Variants in IL27RA observed in about 807,000 individuals in gnomAD.
The protein encoded by IL27RA is interleukin 27 receptor subunit alpha, also known as interleukin-27 receptor subunit alpha.
IL27RA carries 61 observed loss-of-function variants against 80.8 expected under a neutral mutation model. The ratio of observed to expected loss-of-function variants is 0.76; its 90% confidence interval spans 0.61 to 0.93. The LOEUF is 0.93. Ranked by LOEUF, IL27RA falls within the 40% of genes least tolerant of loss-of-function variation. The pLI, the probability that IL27RA is intolerant of heterozygous loss-of-function variation, is 0.00. For missense variants in IL27RA, 735 were observed against 808.1 expected (o/e 0.91, Z 1.10); for synonymous variants, 316 against 332.5 (o/e 0.95, Z 0.54).
intron 4 of IL27RA, 26 bp downstream of exon 4, chr19:14,039,936 C>T: frequency 3.7e-6 from 6 of 1,610,326 alleles, no homozygotes; most frequent in Non-Finnish European, 5.1e-6. Flanking sequence ...CTTTTCTCCC[C>T]ACCCTATTCC....
At chr19:14,033,890 G>A (rs2145684868) in intron 2 of IL27RA, among the ~76,000 whole-genome samples, 1 of 152,102 alleles carries the variant, frequency 6.6e-6, no homozygotes, top group East Asian at 1.9e-4. Context: ...CTTGAACCCA[G>A]GAAGTGGAGG....
intron 1 of IL27RA, 44 bp downstream of exon 1, chr19:14,032,016 C>G (rs942405854): frequency 6.6e-7 from 1 of 1,525,616 alleles, no homozygotes; most frequent in South Asian, 1.2e-5. Flanking sequence ...TGCCGCTGCG[C>G]TCCCCGCGAA....
rs765199413 is a variant in IL27RA, at chr19:14,042,632, C to G, written c.694+20C>G. On this transcript the variant is annotated intron_variant, in intron 5 of 13. Coordinates refer to ENST00000263379, the MANE Select transcript of IL27RA (RefSeq NM_004843.4). ...CTTCTGGTGAGGATATCTGGGCTTGCCCTCAATCCACGCCCCTCCCACCCC... is the reference window on the plus strand; with the variant it reads ...CTTCTGGTGAGGATATCTGGGCTTGGCCTCAATCCACGCCCCTCCCACCCC... 14 of 1,613,926 alleles carry G rather than the reference C, an allele frequency of 8.7e-6. No individual in the cohort carries two copies. In the Admixed American group the frequency reaches 1.2e-4, roughly 13 times the overall value.
intron 1 of IL27RA, 47 bp downstream of exon 1, chr19:14,032,019 C>T (rs1420959448): frequency 1.3e-6 from 2 of 1,498,798 alleles, no homozygotes; most frequent in Middle Eastern, 1.7e-4. Context: ...CGCTGCGCTC[C>T]CCGCGAAGGC....
chr19:14,032,764 C>T (rs1286775307), intron 2 of IL27RA, among the ~76,000 whole-genome samples: 2 of 146,458 alleles, frequency 1.4e-5, no homozygotes, highest in Non-Finnish European at 3.0e-5. Flanking sequence ...CCAGATCTCG[C>T]CACTGCACTC....
chr19:14,036,929 G>A (rs561837592), intron 2 of IL27RA, among the ~76,000 whole-genome samples: 1 of 152,074 alleles, frequency 6.6e-6, no homozygotes. Flanking sequence ...TCTGCCTCCA[G>A]GGTTCAAGCG....
chr19:14,040,479 G>A (rs1380458321), intron 4 of IL27RA, among the ~76,000 whole-genome samples: 2 of 152,086 alleles, frequency 1.3e-5, no homozygotes, highest in African/African-American at 4.8e-5. Flanking sequence ...GAGGTCAAGA[G>A]TTTGAGACCA....
At position 14,042,546 on chromosome 19, in the gene IL27RA, A is replaced by C. The variant is rs1196679850; in HGVS notation, c.628A>C (p.Met210Leu). Residue 210 changes from methionine (M) to leucine (L), a missense_variant, in exon 5 of 14, where the codon ATG becomes CTG. Met to Leu is a conservative substitution (Grantham distance 15). Coordinates refer to ENST00000263379, the MANE Select transcript of IL27RA (RefSeq NM_004843.4). Reference protein sequence around the residue: ...TGYKVYGRCRMEKEEDLWGEW... With the variant: ...TGYKVYGRCRLEKEEDLWGEW... ...CTACAAAGTGTATGGCCGCTGCCGG[A>C]TGGAGAAAGAAGAGGATTTGTGGGG... The C allele has an allele frequency of 6.2e-7, 1 of 1,614,020 alleles. No homozygotes were observed. The highest frequency in any genetic ancestry group is 8.5e-7 in the Non-Finnish European group (1 of 1,180,038).
intron 6 of IL27RA, among the ~76,000 whole-genome samples, chr19:14,045,169 C>T (rs943527923): frequency 1.3e-5 from 2 of 150,556 alleles, no homozygotes; most frequent in African/African-American, 4.9e-5. Flanking sequence ...CGTCTATAGT[C>T]CCAGCTACTG....
At position 14,051,988 on chromosome 19, in the gene IL27RA, C is replaced by T. The variant is rs761786082; in HGVS notation, c.1716+15C>T. Reference sequence around the variant, plus strand: ...CCCACATGGAGGTGAGTCAAAGGGCCGGCTAGTCGGAGCCCTCTGGGGGAC... The same window carrying T: ...CCCACATGGAGGTGAGTCAAAGGGCTGGCTAGTCGGAGCCCTCTGGGGGAC... On this transcript the variant is annotated intron_variant, in intron 13 of 13. Coordinates refer to ENST00000263379, the MANE Select transcript of IL27RA (RefSeq NM_004843.4). 27 of 1,562,892 alleles carry T rather than the reference C, an allele frequency of 1.7e-5. No individual in the cohort carries two copies. Among genetic ancestry groups the T allele is most frequent in the East Asian group, 1.6e-4 (7 of 42,520 alleles).
In IL27RA at chr19:14,042,745, C is replaced by T. The variant is rs1976010526; in HGVS notation, c.724C>T (p.Leu242Phe). The T allele has an allele frequency of 1.9e-6, 3 of 1,614,160 alleles. No homozygotes were observed. The highest frequency in any genetic ancestry group is 2.5e-6 in the Non-Finnish European group (3 of 1,180,026). Residue 242 changes from leucine to phenylalanine, a missense_variant, in exon 6 of 14, where the codon CTC (leucine) becomes TTC (phenylalanine). Physicochemically the swap from Leu to Phe is conservative, Grantham distance 22 (BLOSUM62 0). Transcript: ENST00000263379. ...AAAAGATGTGTGGGTATCAGGGAAC[C>T]TCTGTGGGACGCCTGGAGGAGAGGA... ...APKDVWVSGN[L>F]CGTPGGEEPL...
In IL27RA at chr19:14,048,078, G is replaced by A. The variant is rs183659852; in HGVS notation, c.1142-903G>A. On this transcript the variant is annotated intron_variant, in intron 8 of 13. Transcript: ENST00000263379. ...GCTCAAGCAATCCTCCCACCTCAGCGCCCTGAGGAGCTGGTATTACAGGCA... is the reference window on the plus strand; with the variant it reads ...GCTCAAGCAATCCTCCCACCTCAGCACCCTGAGGAGCTGGTATTACAGGCA... Among the ~76,000 whole-genome samples the A allele has an allele frequency of 1.4e-4, 21 of 151,254 alleles. No homozygotes were observed. In the East Asian group the frequency reaches 3.9e-3, roughly 28 times the overall value.
In IL27RA at chr19:14,032,634, C is replaced by CAAAAAAAAA. The variant is rs766574764; in HGVS notation, c.218+145_218+153dup. The CAAAAAAAAA allele has an allele frequency of 1.6e-3, 152 of 92,152 alleles. 1 individual carries two copies. The highest frequency in any genetic ancestry group is 5.5e-3 in the South Asian group (21 of 3,822). 5.7% of individuals were successfully genotyped at this position (92,152 alleles called of 1,614,324 possible). Reference sequence around the variant, plus strand: ...TGAAACCCTGTCTATACTAAAAATACAAAAAAAAAAAAAAAAAAAAAATTA... The same window carrying CAAAAAAAAA: ...TGAAACCCTGTCTATACTAAAAATACAAAAAAAAAAAAAAAAAAAAAAAAAAAAAAATTA... On this transcript the variant is annotated intron_variant, in intron 2 of 13. Coordinates refer to ENST00000263379, the MANE Select transcript of IL27RA (RefSeq NM_004843.4).
Position 14,046,494 on chromosome 19 carries a change from G to A in IL27RA, c.1017G>A (p.Val339=). The change falls in exon 8 of 14, where the codon GTG becomes GTA. Residue 339 remains valine (V), a synonymous_variant. Coordinates refer to ENST00000263379, the MANE Select transcript of IL27RA (RefSeq NM_004843.4). The part of the protein sequence containing the change: ...SSIAGSTELL[V]TWQPGPGEPL... ...TCGCTGGGAGCACGGAGCTACTGGT[G>A]ACCTGGCAACCGGGGCCTGGGGAAC... is the stretch of plus-strand genomic sequence containing the variant. 1 of 1,614,132 alleles carries A rather than the reference G, an allele frequency of 6.2e-7. No individual in the cohort carries two copies. The highest frequency in any genetic ancestry group is 8.5e-7 in the Non-Finnish European group (1 of 1,180,026).
Position 14,031,790 on chromosome 19 carries a change from C to T in IL27RA, c.-83C>T, listed in dbSNP as rs902121244. On this transcript the variant is annotated 5_prime_UTR_variant, in exon 1 of 14. Coordinates refer to ENST00000263379, the MANE Select transcript of IL27RA (RefSeq NM_004843.4). ...CGGCTTCCCGTTGCCGCCTCGGGCG[C>T]TGTACCCAGAGCTCGAAGAGGAGCA... 7.5e-6 allele frequency: 9 copies of T among 1,203,792 alleles called. No homozygotes were observed. The highest frequency in any genetic ancestry group is 1.0e-5 in the Non-Finnish European group (9 of 869,212). 74.6% of individuals were successfully genotyped at this position (1,203,792 alleles called of 1,614,324 possible). A position where few individuals can be genotyped will look rare whatever the true frequency, so the allele number is the denominator to read the frequency against.
At chr19:14,032,810 A>G (rs867554163) in intron 2 of IL27RA, among the ~76,000 whole-genome samples, 1 of 126,838 alleles carries the variant, frequency 7.9e-6, no homozygotes, top group African/African-American at 2.8e-5. Flanking sequence ...TGTCTCAAAA[A>G]AAAAAAAAAA....
chr19:14,043,493 C>T (rs1316469666), intron 6 of IL27RA, among the ~76,000 whole-genome samples: 1 of 151,818 alleles, frequency 6.6e-6, no homozygotes, highest in East Asian at 2.0e-4. Flanking sequence ...CATCTCATCT[C>T]AGCTCACTGC....
chr19:14,046,388 G>C, intron 7 of IL27RA, 42 bp from the exon 8 acceptor site: 1 of 1,613,934 alleles, frequency 6.2e-7, no homozygotes, highest in Non-Finnish European at 8.5e-7. Flanking sequence ...GGTGGGAAGT[G>C]ACTTCCTGAG....
intron 2 of IL27RA, among the ~76,000 whole-genome samples, chr19:14,037,293 C>T (rs557805139): frequency 8.6e-5 from 13 of 150,904 alleles, no homozygotes; most frequent in Non-Finnish European, 1.8e-4. Flanking sequence ...CAGAGTCTCA[C>T]TCTGTTGCCC....
Sources: allele counts gnomAD v4.1 joint callset (sites outside exome capture counted in the v4.1 genomes callset), GRCh38; gene constraint gnomAD v4.1.1; transcripts MANE v1.5; gene names NCBI Gene and HGNC (gene_info 2026-07-23, HGNC 2026-07-21).